Variants in DEFB135 observed in about 807,000 individuals in gnomAD.
The protein encoded by DEFB135 is beta-defensin 135.
Under a neutral mutation model 8.9 loss-of-function variants are expected in DEFB135, and 14 were observed. The ratio of observed to expected loss-of-function variants is 1.58; its 90% confidence interval spans 1.04 to 2.47. The LOEUF (loss-of-function observed/expected upper bound fraction) is 2.47. Ranked by LOEUF, DEFB135 falls within the 30% of genes most tolerant of loss-of-function variation. The pLI is 0.00. For missense variants in DEFB135, 135 were observed against 94.2 expected (o/e 1.43, Z -1.79); for synonymous variants, 51 against 34.5 (o/e 1.48, Z -1.67).
rs183761871 is a variant in DEFB135, at chr8:11,984,364, T to C, written c.65-57T>C. 274 of 1,307,512 alleles carry C rather than the reference T, an allele frequency of 2.1e-4. 4 individuals are homozygous for C. In the African/African-American group the frequency reaches 3.6e-3, roughly 17 times the overall value. The allele number at this position is 1,307,512 out of a possible 1,614,324, so 81.0% of individuals were successfully genotyped here. A position where few individuals can be genotyped will look rare whatever the true frequency, so the allele number is the denominator to read the frequency against. ...ATGGTCTGAGGTCTAATTTTATCCA[T>C]GACAACATGACACTTCAGGACACTA... On this transcript the variant is annotated intron_variant, in intron 1 of 1. Transcript: ENST00000382208.
Position 11,984,519 on chromosome 8 carries a change from C to A in DEFB135, c.163C>A (p.Arg55Ser). 1 of 1,586,418 alleles carries A rather than the reference C, an allele frequency of 6.3e-7. No homozygotes were observed. The highest frequency in any genetic ancestry group is 1.1e-5 in the South Asian group (1 of 88,744). The change falls in exon 2 of 2, where the codon CGT becomes AGT. Residue 55 changes from arginine to serine, a missense_variant. Arg to Ser is a moderately radical substitution (Grantham distance 110, BLOSUM62 -1). Coordinates refer to ENST00000382208, the MANE Select transcript of DEFB135 (RefSeq NM_001033017.3). ...RPKCLKNEQY[R>S]ILCDTIHLCC... ...AAAATGTCTAAAAAACGAACAATAT[C>A]GTATTTTGTGTGATACTATACATTT... is the stretch of plus-strand genomic sequence containing the variant.
intron 1 of DEFB135, among the ~76,000 whole-genome samples, chr8:11,983,386 A>C (rs1799780499): frequency 6.6e-6 from 1 of 152,154 alleles, no homozygotes; most frequent in African/African-American, 2.4e-5. Context: ...GTGAAACTTC[A>C]TCTCAAAAAT....
chr8:11,982,944 G>A (rs1053876710), intron 1 of DEFB135, among the ~76,000 whole-genome samples: 1 of 152,210 alleles, frequency 6.6e-6, no homozygotes, highest in African/African-American at 2.4e-5. Context: ...CAGCAACTTG[G>A]TGATAATGAG....
chr8:11,984,537 A>C lies in DEFB135; in HGVS notation c.181A>C (p.Ile61Leu). ...NEQYRILCDT[I>L]HLCCVNPKYL... is the part of the protein sequence containing the mutation. Reference sequence around the variant, plus strand: ...ACAATATCGTATTTTGTGTGATACTATACATTTGTGCTGTGTAAACCCAAA... The same window carrying C: ...ACAATATCGTATTTTGTGTGATACTCTACATTTGTGCTGTGTAAACCCAAA... The change falls in exon 2 of 2, where the codon ATA (isoleucine) becomes CTA (leucine). Residue 61 changes from isoleucine to leucine, a missense_variant. Transcript: ENST00000382208. 6.4e-7 allele frequency: 1 copy of C among 1,572,712 alleles called. No individual in the cohort carries two copies. The highest frequency in any genetic ancestry group is 1.3e-5 in the African/African-American group (1 of 74,284).
At chr8:11,983,664 A>G (rs1033484061) in intron 1 of DEFB135, among the ~76,000 whole-genome samples, 5 of 152,172 alleles carry the variant, frequency 3.3e-5, no homozygotes, top group African/African-American at 1.2e-4. Context: ...GGAGAAACTG[A>G]TAAGACTTAG....
Position 11,982,335 on chromosome 8 carries a change from C to A in DEFB135, c.15C>A (p.Ser5Arg). 1 of 1,614,128 alleles carries A rather than the reference C, an allele frequency of 6.2e-7. No homozygotes were observed. The highest frequency in any genetic ancestry group is 1.1e-5 in the South Asian group (1 of 91,080). Residue 5 changes from serine (S) to arginine (R), a missense_variant, in exon 1 of 2, where the codon AGC (serine) becomes AGA (arginine). Transcript: ENST00000382208. MATR[S>R]VLLALVVLNL... Reference sequence around the variant, plus strand: ...TGCTGATTGGTATGGCCACAAGGAGCGTCCTCTTGGCCCTCGTGGTCCTTA... The same window carrying A: ...TGCTGATTGGTATGGCCACAAGGAGAGTCCTCTTGGCCCTCGTGGTCCTTA...
chr8:11,982,356 C>T lies in DEFB135; in HGVS notation c.36C>T (p.Val12=). Reference sequence around the variant, plus strand: ...GGAGCGTCCTCTTGGCCCTCGTGGTCCTTAACTTACTCTTCTATGTTCCAC... The same window carrying T: ...GGAGCGTCCTCTTGGCCCTCGTGGTTCTTAACTTACTCTTCTATGTTCCAC... ...ATRSVLLALV[V]LNLLFYVPPG... Residue 12 remains valine, a synonymous_variant, in exon 1 of 2, where the codon GTC becomes GTT. Coordinates refer to ENST00000382208, the MANE Select transcript of DEFB135 (RefSeq NM_001033017.3). The T allele has an allele frequency of 2.5e-6, 4 of 1,614,060 alleles. No homozygotes were observed. The highest frequency in any genetic ancestry group is 3.4e-6 in the Non-Finnish European group (4 of 1,180,016).
At chr8:11,983,919 G>T (rs769529297) in intron 1 of DEFB135, among the ~76,000 whole-genome samples, 1 of 152,130 alleles carries the variant, frequency 6.6e-6, no homozygotes, top group East Asian at 1.9e-4. Context: ...TTGTGATTAA[G>T]CACTTGACAA....
chr8:11,983,230 C>T (rs1255944532), intron 1 of DEFB135, among the ~76,000 whole-genome samples: 1 of 152,002 alleles, frequency 6.6e-6, no homozygotes, highest in African/African-American at 2.4e-5. Context: ...CCCGTCTCTA[C>T]TAAAAATACA....
At chr8:11,982,789 C>G (rs1220557757) in intron 1 of DEFB135, among the ~76,000 whole-genome samples, 2 of 152,198 alleles carry the variant, frequency 1.3e-5, no homozygotes, top group East Asian at 1.9e-4. Flanking sequence ...TTATTTTTCA[C>G]TCATTTAGAA....
chr8:11,983,493 T>C (rs1413226335), intron 1 of DEFB135, among the ~76,000 whole-genome samples: 2 of 152,238 alleles, frequency 1.3e-5, no homozygotes, highest in Non-Finnish European at 2.9e-5. Flanking sequence ...TCCGACACTT[T>C]GCAGTGTGTC....
At chr8:11,982,480 AG>A (rs1799753898) in intron 1 of DEFB135, 96 bp downstream of exon 1, 1 of 1,392,124 alleles carries the variant, frequency 7.2e-7, no homozygotes. Flanking sequence ...ACTTGGACAA[AG>A]GAAGCTGCAA....
rs755462498 is a variant in DEFB135 at position 11,982,332 on chromosome 8, G to A, written c.12G>A (p.Arg4=). 3 of 1,614,044 alleles carry A rather than the reference G, an allele frequency of 1.9e-6. No homozygotes were observed. Among genetic ancestry groups the A allele is most frequent in the Non-Finnish European group, 2.5e-6 (3 of 1,180,040 alleles). The stretch of plus-strand genomic sequence containing the variant: ...CTTTGCTGATTGGTATGGCCACAAG[G>A]AGCGTCCTCTTGGCCCTCGTGGTCC... MAT[R]SVLLALVVLN... is the part of the protein sequence containing the mutation. The change falls in exon 1 of 2, where the codon AGG becomes AGA. Residue 4 remains arginine (R), a synonymous_variant. Transcript: ENST00000382208.
At position 11,982,291 on chromosome 8, in the gene DEFB135, T is replaced by A. The variant is rs766512729; in HGVS notation, c.-30T>A. ...AGCTGCGGAGAGAGTGACTCTCCGA[T>A]GAGTCACAGCTGCTTCTTTGCTGAT... On this transcript the variant is annotated 5_prime_UTR_variant, in exon 1 of 2. An upstream start codon of the reference 5' UTR is lost. Transcript: ENST00000382208. 1.2e-6 allele frequency: 2 copies of A among 1,613,222 alleles called. No homozygotes were observed. The highest frequency in any genetic ancestry group is 1.3e-5 in the African/African-American group (1 of 75,048).
Position 11,984,457 on chromosome 8 carries a change from T to C in DEFB135, c.101T>C (p.Phe34Ser). Residue 34 changes from phenylalanine (F) to serine (S), a missense_variant, in exon 2 of 2, where the codon TTT becomes TCT. Physicochemically the swap from Phe to Ser is radical, Grantham distance 155. Coordinates refer to ENST00000382208, the MANE Select transcript of DEFB135 (RefSeq NM_001033017.3). ...SGPNVYIQKI[F>S]ASCWRLQGTC... ...CCCAATGTCTACATACAAAAAATCT[T>C]TGCTTCATGTTGGCGACTGCAAGGT... The C allele has an allele frequency of 1.3e-6, 2 of 1,568,438 alleles. No individual in the cohort carries two copies. The highest frequency in any genetic ancestry group is 1.2e-5 in the South Asian group (1 of 86,084).
chr8:11,982,718 T>G (rs1009663384), intron 1 of DEFB135, among the ~76,000 whole-genome samples: 1 of 152,176 alleles, frequency 6.6e-6, no homozygotes, highest in Non-Finnish European at 1.5e-5. Flanking sequence ...GACTTGGGGA[T>G]GAGAAGGAGA....
At chr8:11,982,686 G>A (rs537618464) in intron 1 of DEFB135, among the ~76,000 whole-genome samples, 1 of 152,326 alleles carries the variant, frequency 6.6e-6, no homozygotes, top group East Asian at 1.9e-4. Flanking sequence ...GCAAAAAGAT[G>A]AGACTTTCAA....
At position 11,984,507 on chromosome 8, in the gene DEFB135, A is replaced by C. The variant is rs1218373222; in HGVS notation, c.151A>C (p.Asn51His). ...TACTTGCCGGCCAAAATGTCTAAAA[A>C]ACGAACAATATCGTATTTTGTGTGA... ...QGTCRPKCLKNEQYRILCDTI... is the reference protein window; with the variant it reads ...QGTCRPKCLKHEQYRILCDTI... Residue 51 changes from asparagine to histidine, a missense_variant, in exon 2 of 2, where the codon AAC becomes CAC. By Grantham distance (68) the Asn-to-His change is moderately conservative. Transcript: ENST00000382208. 2.5e-6 allele frequency: 4 copies of C among 1,589,466 alleles called. No individual in the cohort carries two copies. In the South Asian group the frequency reaches 3.4e-5, roughly 13 times the overall value.
intron 1 of DEFB135, 60 bp from the exon 2 acceptor site, chr8:11,984,361 C>T: frequency 3.1e-6 from 4 of 1,290,076 alleles, no homozygotes; most frequent in Non-Finnish European, 4.1e-6. Flanking sequence ...CTAATTTTAT[C>T]CATGACAACA....
Sources: allele counts gnomAD v4.1 joint callset (sites outside exome capture counted in the v4.1 genomes callset), GRCh38; gene constraint gnomAD v4.1.1; transcripts MANE v1.5; gene names NCBI Gene and HGNC (gene_info 2026-07-23, HGNC 2026-07-21).